Variants in CRAMP1 observed in about 807,000 individuals in gnomAD.
CRAMP1 encodes cramped chromatin regulator 1, also known as protein cramped-like.
CRAMP1 carries 50 observed loss-of-function variants against 115.4 expected under a neutral mutation model. The observed-to-expected ratio is 0.43, with a 90% CI of 0.35 to 0.55. The LOEUF (loss-of-function observed/expected upper bound fraction) is 0.55, where lower values mean the gene tolerates loss of function less well. CRAMP1 is among the 20% of genes least tolerant of loss of function. The pLI, the probability that CRAMP1 is intolerant of heterozygous loss-of-function variation, is 0.01. For synonymous variants in CRAMP1, 866 were observed against 745.4 expected, an observed-to-expected ratio of 1.16 and a Z score of -2.64; for missense variants, 1,679 against 1,721.7, an observed-to-expected ratio of 0.98 and a Z score of 0.44.
intron 10 of CRAMP1, among the ~76,000 whole-genome samples, chr16:1,659,549 G>C (rs560926235): frequency 6.6e-6 from 1 of 151,968 alleles, no homozygotes; most frequent in Admixed American, 6.6e-5. Context: ...CACCACACCC[G>C]GCTAATTTTT....
intron 2 of CRAMP1, among the ~76,000 whole-genome samples, chr16:1,618,643 C>T (rs1234653950): frequency 6.6e-6 from 1 of 151,908 alleles, no homozygotes; most frequent in Non-Finnish European, 1.5e-5. Context: ...GTGTAGGAAT[C>T]GGTAAACGAC....
intron 6 of CRAMP1, 85 bp downstream of exon 6, chr16:1,641,272 G>T (rs1296896445): frequency 2.0e-6 from 2 of 983,944 alleles, no homozygotes; most frequent in Admixed American, 1.8e-5. Context: ...AATGCTCTCA[G>T]TGAGGACCTT....
intron 10 of CRAMP1, among the ~76,000 whole-genome samples, chr16:1,657,597 G>C (rs953229187): frequency 2.6e-5 from 4 of 152,234 alleles, no homozygotes; most frequent in Non-Finnish European, 5.9e-5. Flanking sequence ...GCAGGGATGC[G>C]GTGCCGCAGC....
At chr16:1,659,200 A>G (rs955498402) in intron 10 of CRAMP1, among the ~76,000 whole-genome samples, 2 of 152,084 alleles carry the variant, frequency 1.3e-5, no homozygotes, top group African/African-American at 4.8e-5. Flanking sequence ...TTGACTTTTT[A>G]ATATAGCTTT....
chr16:1,651,655 C>G (rs893846202), intron 6 of CRAMP1, among the ~76,000 whole-genome samples: 4 of 141,370 alleles, frequency 2.8e-5, no homozygotes, highest in Admixed American at 1.5e-4. Flanking sequence ...TGAAGTCACA[C>G]AGAGGTAACC....
At chr16:1,617,628 C>T (rs2036432088) in intron 2 of CRAMP1, among the ~76,000 whole-genome samples, 1 of 152,220 alleles carries the variant, frequency 6.6e-6, no homozygotes, top group Non-Finnish European at 1.5e-5. Context: ...TGGTTGATTA[C>T]TTACTGCCCT....
At chr16:1,637,044 G>C (rs561107214) in intron 4 of CRAMP1, among the ~76,000 whole-genome samples, 1 of 152,330 alleles carries the variant, frequency 6.6e-6, no homozygotes, top group South Asian at 2.1e-4. Flanking sequence ...TGTAATCCCA[G>C]CACTTTGGGA....
intron 2 of CRAMP1, among the ~76,000 whole-genome samples, chr16:1,619,911 G>A (rs2036452049): frequency 6.6e-6 from 1 of 152,198 alleles, no homozygotes; most frequent in South Asian, 2.1e-4. Context: ...CCTGGAGTGT[G>A]GACCAGATCT....
At position 1,614,695 on chromosome 16, in the gene CRAMP1, G is replaced by C. The variant is rs926923881; in HGVS notation, c.56G>C (p.Gly19Ala). ...GSGEDGLKKL[G>A]KRAADEESLE... ...GGGGAGGACGGGCTCAAGAAGCTGG[G>C]CAAGCGGGCGGCCGATGAGGAGTCC... is the stretch of plus-strand genomic sequence containing the variant. The change falls in exon 2 of 21, where the codon GGC becomes GCC. Residue 19 changes from glycine to alanine, a missense_variant. Gly to Ala is a moderately conservative substitution (Grantham distance 60). Around this residue, in one of 8 missense-constraint regions of CRAMP1, gnomAD observed 264 missense variants for 229.7 expected, o/e 1.15. Coordinates refer to ENST00000397412, the MANE Select transcript of CRAMP1 (RefSeq NM_020825.4). The surrounding 1 kb of genome is among the most constrained non-coding windows in gnomAD (Gnocchi z 4.4). 7.5e-7 allele frequency: 1 copy of C among 1,334,372 alleles called. No individual in the cohort carries two copies. The highest frequency in any genetic ancestry group is 9.7e-7 in the Non-Finnish European group (1 of 1,035,024). The allele number at this position is 1,334,372 out of a possible 1,614,324, so 82.7% of individuals were successfully genotyped here.
intron 13 of CRAMP1, among the ~76,000 whole-genome samples, chr16:1,663,473 T>C (rs1015619690): frequency 7.9e-5 from 12 of 152,200 alleles, no homozygotes; most frequent in African/African-American, 2.9e-4. Context: ...AGGAAGAAAG[T>C]GCCTGCTAAA....
At position 1,674,422 on chromosome 16, in the gene CRAMP1, C is replaced by T; in HGVS notation, c.*377C>T. On this transcript the variant is annotated 3_prime_UTR_variant, in exon 21 of 21. Coordinates refer to ENST00000397412, the MANE Select transcript of CRAMP1 (RefSeq NM_020825.4). ...TGTGTGCCTTGGTGTAGTTGCTGTG[C>T]ACTAGGAGCTGTGATCTCCCTCTCT... 4.2e-6 allele frequency: 1 copy of T among 238,378 alleles called. No individual in the cohort carries two copies. 14.8% of individuals were successfully genotyped at this position (238,378 alleles called of 1,614,324 possible). A position where few individuals can be genotyped will look rare whatever the true frequency, so the allele number is the denominator to read the frequency against.
rs377059833 is a variant in CRAMP1 at position 1,626,818 on chromosome 16, G to A, written c.540+652G>A. Among the ~76,000 whole-genome samples, 14 of 152,178 alleles carry A rather than the reference G, an allele frequency of 9.2e-5. No homozygotes were observed. In the East Asian group the frequency reaches 1.2e-3, roughly 13 times the overall value. On this transcript the variant is annotated intron_variant, in intron 3 of 20. Transcript: ENST00000397412. ...TGCTCTGTATTTTTTTTTAACGCCT[G>A]TAAATATTCTCCTTGCCTGTGTGCT...
chr16:1,656,434 C>A lies in CRAMP1; in HGVS notation c.1677C>A (p.Asp559Glu). The A allele has an allele frequency of 6.3e-7, 1 of 1,584,838 alleles. No homozygotes were observed. Among genetic ancestry groups the A allele is most frequent in the South Asian group, 1.2e-5 (1 of 86,930 alleles). ...TGGAGGACGAGCTCTCGCTTCTAGA[C>A]CCCTTGCCCCGCTACCTAAAGTCCT... ...PDLEDELSLL[D>E]PLPRYLKSCQ... is the part of the protein sequence containing the mutation. The change falls in exon 10 of 21, where the codon GAC (aspartate) becomes GAA (glutamate). Residue 559 changes from aspartate (D) to glutamate (E), a missense_variant. Asp to Glu is a conservative substitution (Grantham distance 45). Coordinates refer to ENST00000397412, the MANE Select transcript of CRAMP1 (RefSeq NM_020825.4). The surrounding 1 kb of genome is among the most constrained non-coding windows in gnomAD (Gnocchi z 5.6).
intron 6 of CRAMP1, among the ~76,000 whole-genome samples, chr16:1,642,117 G>A (rs1323063228): frequency 2.0e-5 from 3 of 152,202 alleles, no homozygotes; most frequent in Non-Finnish European, 4.4e-5. Context: ...AACCAGCCCC[G>A]ATCCTTGTGG....
intron 2 of CRAMP1, chr16:1,620,525 C>T (rs541105416): frequency 5.8e-5 from 25 of 427,688 alleles, no homozygotes; most frequent in South Asian, 3.1e-4. Context: ...CTATTCCTAA[C>T]CCTCTGAAGG....
In CRAMP1 at chr16:1,662,743, G is replaced by C. The variant is rs2036844057; in HGVS notation, c.2596-18G>C. The C allele has an allele frequency of 6.2e-7, 1 of 1,613,694 alleles. No homozygotes were observed. Among genetic ancestry groups the C allele is most frequent in the South Asian group, 1.1e-5 (1 of 91,088 alleles). Reference sequence around the variant, plus strand: ...CTGGAGAGTGCACCTTCAGGTGCCGGACGCTGCTCCCTTACAGATGCAGTC... The same window carrying C: ...CTGGAGAGTGCACCTTCAGGTGCCGCACGCTGCTCCCTTACAGATGCAGTC... On this transcript the variant is annotated intron_variant, in intron 12 of 20. Coordinates refer to ENST00000397412, the MANE Select transcript of CRAMP1 (RefSeq NM_020825.4).
At chr16:1,646,377 G>A (rs183819170) in intron 6 of CRAMP1, among the ~76,000 whole-genome samples, 36 of 152,270 alleles carry the variant, frequency 2.4e-4, no homozygotes, top group African/African-American at 7.2e-4. Flanking sequence ...CAGCGTGTTC[G>A]GGGTGTTTGT....
In CRAMP1 at chr16:1,656,947, C is replaced by A; in HGVS notation, c.2190C>A (p.Leu730=). Residue 730 remains leucine, a synonymous_variant, in exon 10 of 21, where the codon CTC becomes CTA. Coordinates refer to ENST00000397412, the MANE Select transcript of CRAMP1 (RefSeq NM_020825.4). This position sits in a 1 kb window ranked among gnomAD's most constrained non-coding sequence, Gnocchi z 5.6. ...CCGCCCTCCACAAGCAGCGCCTCCT[C>A]AGCTGCCTCCTGAAGCTCATTTCCA... The part of the protein sequence containing the change: ...LPTALHKQRL[L]SCLLKLISTE... 3 of 1,559,364 alleles carry A rather than the reference C, an allele frequency of 1.9e-6. No homozygotes were observed. The highest frequency in any genetic ancestry group is 2.6e-6 in the Non-Finnish European group (3 of 1,151,046).
chr16:1,664,950 C>T (rs550581630), intron 13 of CRAMP1, 107 bp from the exon 14 acceptor site: 2 of 774,358 alleles, frequency 2.6e-6, no homozygotes, highest in Non-Finnish European at 4.5e-6. Context: ...AAAAGCCCCA[C>T]CTGGCTATGC....
Sources: allele counts gnomAD v4.1 joint callset (sites outside exome capture counted in the v4.1 genomes callset), GRCh38; gene constraint gnomAD v4.1.1; regional missense constraint gnomAD v4.1.1; non-coding constraint Gnocchi (gnomAD v3.1); transcripts MANE v1.5; gene names NCBI Gene and HGNC (gene_info 2026-07-23, HGNC 2026-07-21).